Variants in PRKN observed in about 807,000 individuals in gnomAD.
PRKN encodes parkin RBR E3 ubiquitin protein ligase, also known as E3 ubiquitin-protein ligase parkin.
Under a neutral mutation model 59.5 loss-of-function variants are expected in PRKN, and 56 were observed. That is an observed-to-expected ratio of 0.94 (90% CI 0.76 to 1.18). PRKN has a LOEUF of 1.18. Among genes scored for constraint, PRKN ranks in the 50% most tolerant of loss-of-function variants. The pLI is 0.00. For missense variants in PRKN, 657 were observed against 596.4 expected (o/e 1.10, Z -1.06); for synonymous variants, 250 against 222.1 (o/e 1.13, Z -1.12).
chr6:162,697,327 A>T (rs2128236165), intron 1 of PRKN, among the ~76,000 whole-genome samples: 1 of 152,348 alleles, frequency 6.6e-6, no homozygotes, highest in Middle Eastern at 3.4e-3. Context: ...TATAACTCAC[A>T]GGTTTGAGAT....
intron 1 of PRKN, among the ~76,000 whole-genome samples, chr6:162,661,523 C>A (rs1029273555): frequency 6.6e-6 from 1 of 152,080 alleles, no homozygotes; most frequent in African/African-American, 2.4e-5. Context: ...GGAGACCTGG[C>A]GGTGGCCTTA....
intron 7 of PRKN, among the ~76,000 whole-genome samples, chr6:161,574,485 T>C (rs541202834): frequency 5.3e-5 from 8 of 152,282 alleles, no homozygotes; most frequent in African/African-American, 1.9e-4. Context: ...TGACTGCATA[T>C]TACTTTACGT....
At chr6:162,566,050 T>C (rs56239968) in intron 1 of PRKN, among the ~76,000 whole-genome samples, 33,899 of 151,984 alleles carry the variant, frequency 0.22, 4,548 homozygotes, top group African/African-American at 0.37. Context: ...TAAATATATA[T>C]GCACCCAACA....
At chr6:161,555,634 G>A (rs1780207924) in intron 8 of PRKN, among the ~76,000 whole-genome samples, 1 of 152,000 alleles carries the variant, frequency 6.6e-6, no homozygotes, top group Admixed American at 6.6e-5. Context: ...CTCAGTGTGG[G>A]GCTTTGTCCT....
chr6:161,439,476 C>T (rs932327465), intron 9 of PRKN, among the ~76,000 whole-genome samples: 1 of 152,214 alleles, frequency 6.6e-6, no homozygotes, highest in Admixed American at 6.5e-5. Context: ...AGTGTGCAAT[C>T]ACCCAAAGCT....
intron 2 of PRKN, among the ~76,000 whole-genome samples, chr6:162,431,179 TA>T (rs61146591): frequency 1.9e-4 from 26 of 134,078 alleles, no homozygotes; most frequent in East Asian, 4.5e-4. Flanking sequence ...ATTTAGTTGC[TA>T]AAAAAAAAAA....
rs974361932 is a variant in PRKN at position 161,437,087 on chromosome 6, A to T, written c.1084-50210T>A. On this transcript the variant is annotated intron_variant, in intron 9 of 11. Transcript: ENST00000366898. ...CTATATATGCTGTTTTTTCCTACAC[A>T]TACATGCCTATTACGAAGCTTAACT... is the stretch of plus-strand genomic sequence containing the variant. Among the ~76,000 whole-genome samples the T allele has an allele frequency of 2.0e-5, 3 of 152,182 alleles. No homozygotes were observed. In the South Asian group the frequency reaches 6.2e-4, roughly 31 times the overall value.
At position 161,382,612 on chromosome 6, in the gene PRKN, G is replaced by A. The variant is rs371845558; in HGVS notation, c.1167+4182C>T. On this transcript the variant is annotated intron_variant, in intron 10 of 11. Transcript: ENST00000366898. ...CAATACGCGGAAGGAACTGGAACAC[G>A]GGGAGGAGAACAAGCAGGGAAAAAC... 1.2e-4 allele frequency among the ~76,000 whole-genome samples: 18 copies of A among 152,284 alleles called. No individual in the cohort carries two copies. The East Asian group carries it at 2.1e-3, about 18-fold the overall frequency.
At chr6:162,202,002 T>C (rs559312662) in intron 3 of PRKN, among the ~76,000 whole-genome samples, 1 of 152,316 alleles carries the variant, frequency 6.6e-6, no homozygotes, top group East Asian at 1.9e-4. Context: ...AATCAATTTA[T>C]ACTTCCATAT....
At chr6:161,490,080 C>A (rs533113240) in intron 9 of PRKN, among the ~76,000 whole-genome samples, 1 of 152,302 alleles carries the variant, frequency 6.6e-6, no homozygotes, top group Admixed American at 6.5e-5. Context: ...ACCAGGAGGA[C>A]CTAGACCAGC....
In PRKN at chr6:162,641,974, A is replaced by C. The variant is rs1020992545; in HGVS notation, c.7+85688T>G. Among the ~76,000 whole-genome samples the C allele has an allele frequency of 9.2e-5, 14 of 152,328 alleles. 1 individual carries two copies. The highest frequency in any genetic ancestry group is 3.4e-4 in the African/African-American group (14 of 41,582). On this transcript the variant is annotated intron_variant, in intron 1 of 11. Coordinates refer to ENST00000366898, the MANE Select transcript of PRKN (RefSeq NM_004562.3). ...CTATAGCTAGCTCTCCACACTCATT[A>C]TTCTCTTCATATGCTGGAATACACT...
chr6:162,484,520 G>A (rs1204646688), intron 1 of PRKN, among the ~76,000 whole-genome samples: 1 of 152,156 alleles, frequency 6.6e-6, no homozygotes, highest in Non-Finnish European at 1.5e-5. Context: ...GTTGAGATGG[G>A]TATGACTGAG....
At position 162,462,364 on chromosome 6, in the gene PRKN, T is replaced by A. The variant is rs142846022; in HGVS notation, c.8-18891A>T. ...TTGGTTCACAAATGTGTGCTGTTAATTAGATTGAGAGTGATTGTATATGGT... is the reference window on the plus strand; with the variant it reads ...TTGGTTCACAAATGTGTGCTGTTAAATAGATTGAGAGTGATTGTATATGGT... On this transcript the variant is annotated intron_variant, in intron 1 of 11. Coordinates refer to ENST00000366898, the MANE Select transcript of PRKN (RefSeq NM_004562.3). Among the ~76,000 whole-genome samples, 20 of 152,306 alleles carry A rather than the reference T, an allele frequency of 1.3e-4. No homozygotes were observed. The East Asian group carries it at 3.9e-3, about 29-fold the overall frequency.
At chr6:162,012,707 C>T (rs745570697) in intron 5 of PRKN, among the ~76,000 whole-genome samples, 3 of 152,106 alleles carry the variant, frequency 2.0e-5, no homozygotes, top group Non-Finnish European at 2.9e-5. Flanking sequence ...CGAGGACCAC[C>T]TGCTGCATTG....
At chr6:161,939,920 CAG>C (rs942024195) in intron 6 of PRKN, among the ~76,000 whole-genome samples, 6 of 149,128 alleles carry the variant, frequency 4.0e-5, no homozygotes, top group African/African-American at 1.5e-4. Context: ...TTTTTTGAGA[CAG>C]AGTTTCGCTC....
intron 7 of PRKN, among the ~76,000 whole-genome samples, chr6:161,744,552 T>C (rs1300761111): frequency 6.6e-6 from 1 of 152,156 alleles, no homozygotes; most frequent in Non-Finnish European, 1.5e-5. Flanking sequence ...AGAGACTATA[T>C]TAATGAATTA....
intron 5 of PRKN, among the ~76,000 whole-genome samples, chr6:161,977,749 A>G (rs370096114): frequency 1.7e-4 from 26 of 150,622 alleles, no homozygotes; most frequent in Admixed American, 4.0e-4. Context: ...GGGTTTCACC[A>G]TGTTAGCCAG....
At chr6:161,619,509 G>C (rs187563209) in intron 7 of PRKN, among the ~76,000 whole-genome samples, 12 of 152,096 alleles carry the variant, frequency 7.9e-5, no homozygotes, top group African/African-American at 2.7e-4. Flanking sequence ...CATTTACAGG[G>C]TTCTTACTTG....
intron 1 of PRKN, among the ~76,000 whole-genome samples, chr6:162,669,701 C>A (rs1233058016): frequency 6.6e-6 from 1 of 152,158 alleles, no homozygotes; most frequent in Non-Finnish European, 1.5e-5. Context: ...TTAAGAATAA[C>A]TGACATGAGC....
Sources: gnomAD v4.1 joint callset for allele counts (sites outside exome capture counted in the v4.1 genomes callset) on GRCh38, gnomAD v4.1.1 for gene constraint, MANE v1.5 for transcripts, NCBI Gene and HGNC (gene_info 2026-07-23, HGNC 2026-07-21) for gene names.